GSE1: variants seen among roughly 807,000 people sequenced by gnomAD.
GSE1 encodes the protein genetic suppressor element 1.
GSE1 carries 32 observed loss-of-function variants against 112.6 expected under a neutral mutation model. That is an observed-to-expected ratio of 0.28 (90% CI 0.21 to 0.38). The LOEUF is 0.38. Ranked by LOEUF, GSE1 falls within the 10% of genes least tolerant of loss-of-function variation. The probability of loss-of-function intolerance (pLI) is 1.00; values close to 1 mark genes in which losing one functional copy is unlikely to be tolerated. For missense variants in GSE1, 2,348 were observed against 1,699.2 expected (o/e 1.38, Z -6.71); for synonymous variants, 1,115 against 735.6 (o/e 1.52, Z -8.35).
At chr16:85,468,669 A>G (rs1476294554) in intron 2 of GSE1, among the ~76,000 whole-genome samples, 3 of 152,044 alleles carry the variant, frequency 2.0e-5, no homozygotes, top group Non-Finnish European at 4.4e-5. Context: ...GTCATCTTGG[A>G]GAGCTTTGAG....
intron 1 of GSE1, among the ~76,000 whole-genome samples, chr16:85,625,946 G>A (rs879791677): frequency 3.3e-5 from 5 of 152,250 alleles, no homozygotes; most frequent in Admixed American, 6.5e-5. Context: ...TCCTGTGGCT[G>A]CACAGGTTGC....
At chr16:85,516,067 A>G (rs1371949661) in intron 2 of GSE1, among the ~76,000 whole-genome samples, 2 of 152,148 alleles carry the variant, frequency 1.3e-5, no homozygotes, top group African/African-American at 4.8e-5. Context: ...GGGTAGTGGC[A>G]TCCCTGGTCT....
intron 8 of GSE1, among the ~76,000 whole-genome samples, chr16:85,660,382 A>T (rs2052332031): frequency 1.3e-5 from 2 of 152,150 alleles, no homozygotes; most frequent in African/African-American, 2.4e-5. Flanking sequence ...CACTCCTGTA[A>T]TCCCAGCACT....
chr16:85,409,388 C>T (rs2048426570), intron 2 of GSE1, among the ~76,000 whole-genome samples: 1 of 39,908 alleles, frequency 2.5e-5, no homozygotes, highest in Non-Finnish European at 4.9e-5. Flanking sequence ...CTGGATAATC[C>T]TCACTGTTAC....
chr16:85,524,970 G>T (rs2052316106), intron 2 of GSE1, among the ~76,000 whole-genome samples: 1 of 152,298 alleles, frequency 6.6e-6, no homozygotes, highest in Admixed American at 6.5e-5. Context: ...TCCCCGCCAT[G>T]CCCGCTTCCC....
At chr16:85,370,407 A>C (rs2047269796) in intron 2 of GSE1, among the ~76,000 whole-genome samples, 1 of 152,094 alleles carries the variant, frequency 6.6e-6, no homozygotes, top group East Asian at 1.9e-4. Flanking sequence ...CTATCCCCAA[A>C]TACACTAAGA....
At chr16:85,205,693 G>T (rs1484505055) in intron 1 of GSE1, among the ~76,000 whole-genome samples, 1 of 152,172 alleles carries the variant, frequency 6.6e-6, no homozygotes, top group Non-Finnish European at 1.5e-5. Flanking sequence ...AGCATGCGGT[G>T]TCCCCTCCTC....
Position 85,346,576 on chromosome 16 carries a change from G to A in GSE1, c.2284-10887G>A, listed in dbSNP as rs866244156. Among the ~76,000 whole-genome samples, 3 of 150,306 alleles carry A rather than the reference G, an allele frequency of 2.0e-5. 1 individual carries two copies. Among genetic ancestry groups the A allele is most frequent in the Middle Eastern group, 7.2e-3 (2 of 278 alleles). On this transcript the variant is annotated intron_variant, in intron 1 of 2. Transcript: ENST00000637419. The stretch of plus-strand genomic sequence containing the variant: ...GGTGATGGACAGGCGGATGGTGGAC[G>A]AGTGGAGTGATGGTGGGCAGATGGG...
rs150538314 is a variant in GSE1, at chr16:85,603,984, T to C, written c.38-44568T>C. Among the ~76,000 whole-genome samples the C allele has an allele frequency of 3.3e-3, 501 of 152,290 alleles. 2 individuals are homozygous for C. The highest frequency in any genetic ancestry group is 0.011 in the African/African-American group (471 of 41,552). On this transcript the variant is annotated intron_variant, in intron 1 of 2. Coordinates refer to the GSE1 transcript ENST00000635906. Reference sequence around the variant, plus strand: ...AAAGAAAAGCGGTATAATTGGTTCATGGTTCTGCAGGCCCTGCAGGAAGCA... The same window carrying C: ...AAAGAAAAGCGGTATAATTGGTTCACGGTTCTGCAGGCCCTGCAGGAAGCA...
In GSE1 at chr16:85,655,805, C is replaced by A. The variant is rs760216934; in HGVS notation, c.877C>A (p.His293Asn). 2 of 1,608,122 alleles carry A rather than the reference C, an allele frequency of 1.2e-6. No individual in the cohort carries two copies. The highest frequency in any genetic ancestry group is 4.5e-5 in the East Asian group (2 of 44,860). The change falls in exon 6 of 16, where the codon CAC becomes AAC. Residue 293 changes from histidine to asparagine, a missense_variant. His to Asn is a moderately conservative substitution (Grantham distance 68, BLOSUM62 1). Transcript: ENST00000253458. Reference protein sequence around the residue: ...IPTPGSLPPLHPSAMHLHLSG... With the variant: ...IPTPGSLPPLNPSAMHLHLSG... ...CACCCCCGGCTCCCTGCCCCCACTG[C>A]ACCCATCAGCGATGCACCTGCACCT... is the stretch of plus-strand genomic sequence containing the variant.
intron 1 of GSE1, among the ~76,000 whole-genome samples, chr16:85,221,333 CA>C (rs1279315372): frequency 0.011 from 1,685 of 148,202 alleles, 11 homozygotes; most frequent in Non-Finnish European, 0.016. Flanking sequence ...CACACACACA[CA>C]CCCCAAGTAC....
chr16:85,668,343 G>A lies in GSE1; in HGVS notation c.3334G>A (p.Gly1112Arg). The change falls in exon 14 of 16, where the codon GGA becomes AGA. Residue 1112 changes from glycine to arginine, a missense_variant. By Grantham distance (125) the Gly-to-Arg change is moderately radical (BLOSUM62 -2). Coordinates refer to ENST00000253458, the MANE Select transcript of GSE1 (RefSeq NM_014615.5). ...GGAGGAAGAGGAGGATGATGAAGAT[G>A]GAGAAGATGAGGAGGAAGTCCCCAA... ...EEEEEEDDED[G>R]EDEEEVPKRK... 3 of 1,613,374 alleles carry A rather than the reference G, an allele frequency of 1.9e-6. No homozygotes were observed. Among genetic ancestry groups the A allele is most frequent in the South Asian group, 1.1e-5 (1 of 91,064 alleles).
intron 1 of GSE1, among the ~76,000 whole-genome samples, chr16:85,176,572 C>G (rs1279682057): frequency 6.6e-6 from 1 of 152,258 alleles, no homozygotes; most frequent in African/African-American, 2.4e-5. Context: ...GATGGATTGG[C>G]TCTCCCTGCA....
chr16:85,601,752 C>T (rs2047474360), intron 1 of GSE1, among the ~76,000 whole-genome samples: 2 of 152,222 alleles, frequency 1.3e-5, no homozygotes, highest in Admixed American at 1.3e-4. Context: ...TTCCTTGCAG[C>T]CGACGTGAGC....
intron 2 of GSE1, among the ~76,000 whole-genome samples, chr16:85,485,923 C>T (rs2050821641): frequency 1.3e-5 from 2 of 152,224 alleles, no homozygotes; most frequent in Non-Finnish European, 2.9e-5. Flanking sequence ...CAGGCCCCTT[C>T]ACCCCGGCCC....
intron 1 of GSE1, among the ~76,000 whole-genome samples, chr16:85,220,376 G>A (rs1249755097): frequency 6.6e-6 from 1 of 152,318 alleles, no homozygotes; most frequent in Non-Finnish European, 1.5e-5. Flanking sequence ...CTCCAAGCCG[G>A]CGAGCGGGCG....
At chr16:85,470,313 CGCCCCTCAGTGATCCAGCCGCA>C (rs2050250082) in intron 2 of GSE1, among the ~76,000 whole-genome samples, 1 of 152,154 alleles carries the variant, frequency 6.6e-6, no homozygotes, top group African/African-American at 2.4e-5. Flanking sequence ...TGGGGCTCGG[CGCCCCTCAGTGATCCAGCCGCA>C]GCCAGACTAA....
At chr16:85,644,857 ATTTTT>A (rs11298953) in intron 2 of GSE1, among the ~76,000 whole-genome samples, 27,193 of 151,038 alleles carry the variant, frequency 0.18, 2,897 homozygotes, top group Non-Finnish European at 0.24. Context: ...GTTCCATGGA[ATTTTT>A]TTTTTTAAAC....
At chr16:85,540,010 C>T (rs1011060948) in intron 2 of GSE1, among the ~76,000 whole-genome samples, 3 of 152,178 alleles carry the variant, frequency 2.0e-5, no homozygotes, top group South Asian at 2.1e-4. Context: ...TATTTTATAT[C>T]GAAGTCAGCA....
Sources: allele counts gnomAD v4.1 joint callset (sites outside exome capture counted in the v4.1 genomes callset), GRCh38; gene constraint gnomAD v4.1.1; transcripts MANE v1.5; gene names NCBI Gene and HGNC (gene_info 2026-07-23, HGNC 2026-07-21).